FGGY: variants seen among roughly 807,000 people sequenced by gnomAD.
FGGY encodes the protein FGGY carbohydrate kinase domain containing, also known as FGGY carbohydrate kinase domain-containing protein.
A neutral mutation model predicts 71.3 loss-of-function variants in FGGY; 72 were observed. The ratio of observed to expected loss-of-function variants is 1.01; its 90% CI spans 0.84 to 1.23. The LOEUF (loss-of-function observed/expected upper bound fraction) is 1.23. Ranked by LOEUF, FGGY falls within the 50% of genes most tolerant of loss-of-function variation. The pLI, the probability that FGGY is intolerant of heterozygous loss-of-function variation, is 0.00. For missense variants in FGGY, 668 were observed against 682.3 expected (o/e 0.98, Z 0.23); for synonymous variants, 251 against 250.3 (o/e 1.00, Z -0.02).
chr1:59,549,370 C>T (rs2095573312), intron 7 of FGGY, among the ~76,000 whole-genome samples: 1 of 152,208 alleles, frequency 6.6e-6, no homozygotes, highest in Non-Finnish European at 1.5e-5. Context: ...TTTGATACTT[C>T]AGAGAAGGTG....
At chr1:59,636,649 A>G (rs1212713273) in intron 10 of FGGY, among the ~76,000 whole-genome samples, 1 of 152,090 alleles carries the variant, frequency 6.6e-6, no homozygotes, top group Non-Finnish European at 1.5e-5. Flanking sequence ...AAAATAAAAA[A>G]TAAGTAAAGG....
chr1:59,646,493 A>G (rs950701932), intron 11 of FGGY, among the ~76,000 whole-genome samples: 2 of 149,972 alleles, frequency 1.3e-5, no homozygotes, highest in Admixed American at 6.7e-5. Context: ...CTGAAAATAC[A>G]TATTTTTTAT....
At chr1:59,586,499 G>T (rs2096290185) in intron 8 of FGGY, among the ~76,000 whole-genome samples, 1 of 152,060 alleles carries the variant, frequency 6.6e-6, no homozygotes, top group South Asian at 2.1e-4. Context: ...ACACACCGGG[G>T]CCTGTGGTGG....
At chr1:59,533,834 T>C (rs1392248254) in intron 7 of FGGY, among the ~76,000 whole-genome samples, 2 of 152,086 alleles carry the variant, frequency 1.3e-5, no homozygotes, top group African/African-American at 2.4e-5. Context: ...CATCTGTACA[T>C]CACCATCATC....
intron 14 of FGGY, among the ~76,000 whole-genome samples, chr1:59,696,989 GA>G (rs34816683): frequency 0.82 from 123,123 of 149,932 alleles, 50,821 homozygotes; most frequent in Non-Finnish European, 0.88. Flanking sequence ...AAAATTACAT[GA>G]AAAAAAAAAA....
chr1:59,303,153 CTT>C (rs1366882281), intron 1 of FGGY, among the ~76,000 whole-genome samples: 1 of 152,170 alleles, frequency 6.6e-6, no homozygotes, highest in East Asian at 1.9e-4. Context: ...GATTTACTCT[CTT>C]AGCACATTTT....
chr1:59,343,070 G>T (rs1283209254), intron 3 of FGGY, among the ~76,000 whole-genome samples: 1 of 152,094 alleles, frequency 6.6e-6, no homozygotes, highest in East Asian at 1.9e-4. Context: ...GGGAGGGAGA[G>T]GAACAAAGGG....
chr1:59,331,761 C>T (rs746781270), intron 2 of FGGY: 1 of 152,112 alleles, frequency 6.6e-6, no homozygotes, highest in Admixed American at 6.6e-5. Flanking sequence ...GAAAATTCTG[C>T]ACAGCCTGAC....
At chr1:59,504,839 G>T (rs750522110) in intron 6 of FGGY, among the ~76,000 whole-genome samples, 1 of 152,068 alleles carries the variant, frequency 6.6e-6, no homozygotes, top group Non-Finnish European at 1.5e-5. Flanking sequence ...TAATGTTTTT[G>T]TCTAAATTAA....
intron 8 of FGGY, among the ~76,000 whole-genome samples, chr1:59,597,637 G>C (rs1458857733): frequency 6.6e-6 from 1 of 152,174 alleles, no homozygotes; most frequent in African/African-American, 2.4e-5. Context: ...ACTGTACCAA[G>C]GCCAGTAATA....
At chr1:59,576,456 G>A (rs905253375) in intron 8 of FGGY, among the ~76,000 whole-genome samples, 1 of 152,058 alleles carries the variant, frequency 6.6e-6, no homozygotes, top group African/African-American at 2.4e-5. Context: ...TGCATGCAGG[G>A]CTTAAAGCCT....
chr1:59,574,219 G>C (rs2096039611), intron 8 of FGGY, among the ~76,000 whole-genome samples: 1 of 152,182 alleles, frequency 6.6e-6, no homozygotes, highest in Non-Finnish European at 1.5e-5. Flanking sequence ...GGGAAAACCT[G>C]TTCCTTGCTT....
intron 4 of FGGY, among the ~76,000 whole-genome samples, chr1:59,377,145 A>G (rs1223557642): frequency 6.6e-6 from 1 of 152,070 alleles, no homozygotes; most frequent in Non-Finnish European, 1.5e-5. Context: ...GGGGTGGAGA[A>G]GAGGAGACAA....
intron 7 of FGGY, among the ~76,000 whole-genome samples, chr1:59,533,226 T>G (rs2095207172): frequency 6.7e-6 from 1 of 148,200 alleles, no homozygotes. Flanking sequence ...TTCCCTTTCC[T>G]AGTCAAAGAA....
chr1:59,604,273 G>T (rs1181266487), intron 8 of FGGY, among the ~76,000 whole-genome samples: 1 of 152,108 alleles, frequency 6.6e-6, no homozygotes, highest in Non-Finnish European at 1.5e-5. Flanking sequence ...TGTTGCAAAA[G>T]ATTAAACAAC....
chr1:59,475,956 G>C (rs1356654737), intron 6 of FGGY, among the ~76,000 whole-genome samples: 1 of 152,198 alleles, frequency 6.6e-6, no homozygotes, highest in Non-Finnish European at 1.5e-5. Flanking sequence ...TCCTTGCCAT[G>C]TTCAACAAAG....
chr1:59,644,930 T>G (rs2097077085), intron 11 of FGGY, among the ~76,000 whole-genome samples: 1 of 150,578 alleles, frequency 6.6e-6, no homozygotes, highest in Non-Finnish European at 1.5e-5. Context: ...TGGGCTGAGA[T>G]CACGCCACTG....
At chr1:59,558,328 C>T (rs1453445484) in intron 8 of FGGY, among the ~76,000 whole-genome samples, 1 of 152,066 alleles carries the variant, frequency 6.6e-6, no homozygotes, top group Non-Finnish European at 1.5e-5. Context: ...AATATTTCAA[C>T]GTAGGTTCTT....
At chr1:59,486,308 C>T (rs1481240279) in intron 6 of FGGY, among the ~76,000 whole-genome samples, 1 of 152,136 alleles carries the variant, frequency 6.6e-6, no homozygotes, top group Non-Finnish European at 1.5e-5. Flanking sequence ...TGATATGTGG[C>T]TAGCAACCAG....
Sources: allele counts gnomAD v4.1 joint callset (sites outside exome capture counted in the v4.1 genomes callset), GRCh38; gene constraint gnomAD v4.1.1; transcripts MANE v1.5; gene names NCBI Gene and HGNC (gene_info 2026-07-23, HGNC 2026-07-21).